AK7: variants seen among roughly 807,000 people sequenced by gnomAD.
AK7 encodes the protein ATP-AMP transphosphorylase 7.
AK7 carries 78 observed loss-of-function variants against 96.6 expected under a neutral mutation model. The ratio of observed to expected loss-of-function variants is 0.81; its 90% CI spans 0.67 to 0.97. The LOEUF is 0.97. Ranked by LOEUF, AK7 falls within the 50% of genes least tolerant of loss-of-function variation. AK7 has a pLI of 0.00. For missense variants in AK7, 855 were observed against 887.9 expected, an observed-to-expected ratio of 0.96 and a Z score of 0.47; for synonymous variants, 302 against 317.2, an observed-to-expected ratio of 0.95 and a Z score of 0.51.
chr14:96,465,070 A>G (rs1042397157), intron 12 of AK7, among the ~76,000 whole-genome samples: 3 of 152,252 alleles, frequency 2.0e-5, no homozygotes, highest in African/African-American at 7.2e-5. Flanking sequence ...TGTACAGGCA[A>G]TAATTAAACG....
At chr14:96,470,975 G>A (rs565399945) in intron 12 of AK7, among the ~76,000 whole-genome samples, 1 of 152,250 alleles carries the variant, frequency 6.6e-6, no homozygotes, top group African/African-American at 2.4e-5. Context: ...GCTCTTTCTT[G>A]CAGACAAGTT....
At chr14:96,412,676 C>T (rs1891107996) in intron 4 of AK7, among the ~76,000 whole-genome samples, 1 of 151,354 alleles carries the variant, frequency 6.6e-6, no homozygotes, top group Non-Finnish European at 1.5e-5. Context: ...AGTGATTCTC[C>T]TGCCTCAGCC....
At chr14:96,456,258 A>AG in intron 10 of AK7, 89 bp from the exon 11 acceptor site, 1 of 1,071,152 alleles carries the variant, frequency 9.3e-7, no homozygotes, top group Non-Finnish European at 1.3e-6. Flanking sequence ...AAAAAAAAAA[A>AG]AAAGCACTCC....
At chr14:96,423,087 C>T (rs984900423) in intron 5 of AK7, among the ~76,000 whole-genome samples, 3 of 152,196 alleles carry the variant, frequency 2.0e-5, no homozygotes, top group Non-Finnish European at 4.4e-5. Context: ...AGTACTGCTG[C>T]CCATCTACAG....
intron 10 of AK7, among the ~76,000 whole-genome samples, chr14:96,452,045 C>A (rs756967232): frequency 4.6e-5 from 7 of 152,160 alleles, no homozygotes; most frequent in Non-Finnish European, 1.0e-4. Flanking sequence ...TGATCTCTTT[C>A]TAAGTGGTCA....
At chr14:96,479,932 T>C (rs1345233302) in intron 15 of AK7, among the ~76,000 whole-genome samples, 1 of 152,128 alleles carries the variant, frequency 6.6e-6, no homozygotes, top group Non-Finnish European at 1.5e-5. Context: ...TAAGGGATAA[T>C]GTCAGCAGGA....
intron 13 of AK7, 74 bp downstream of exon 13, chr14:96,471,680 C>T: frequency 8.1e-7 from 1 of 1,242,052 alleles, no homozygotes; most frequent in East Asian, 2.8e-5. Context: ...GAAGTAGTCA[C>T]TCAATTAAAG....
intron 14 of AK7, among the ~76,000 whole-genome samples, chr14:96,475,920 G>A (rs1469315298): frequency 6.6e-6 from 1 of 151,742 alleles, no homozygotes; most frequent in Non-Finnish European, 1.5e-5. Context: ...TCAAGGCGGT[G>A]GTGAGCCTTG....
rs567115679 is a variant in AK7 at position 96,489,424 on chromosome 14, G to A, written c.*1081G>A. ...TTATAAATAAAACCATATAATGGGT[G>A]GTCTTTCGTGTCTGGCTTCTTTCAC... On this transcript the variant is annotated 3_prime_UTR_variant, in exon 18 of 18. Transcript: ENST00000267584. The A allele has an allele frequency of 6.6e-6, 1 of 152,252 alleles. No individual in the cohort carries two copies. The highest frequency in any genetic ancestry group is 2.1e-4 in the South Asian group (1 of 4,818). 9.4% of individuals were successfully genotyped at this position (152,252 alleles called of 1,614,324 possible).
At chr14:96,407,393 G>T (rs188039934) in intron 3 of AK7, among the ~76,000 whole-genome samples, 101 of 152,162 alleles carry the variant, frequency 6.6e-4, no homozygotes, top group African/African-American at 2.4e-3. Context: ...ATTCAATAAC[G>T]CTTTCTCGTT....
At chr14:96,458,241 T>G (rs1595440788) in intron 12 of AK7, 29 bp downstream of exon 12, 4 of 1,609,322 alleles carry the variant, frequency 2.5e-6, no homozygotes, top group Non-Finnish European at 3.4e-6. Context: ...AGAGCCACGC[T>G]GCTCTTGTGA....
chr14:96,413,749 T>C (rs2140018895), intron 4 of AK7, among the ~76,000 whole-genome samples: 1 of 152,304 alleles, frequency 6.6e-6, no homozygotes, highest in East Asian at 1.9e-4. Flanking sequence ...ATCAGTTGAG[T>C]ATGTGAAAAG....
intron 16 of AK7, among the ~76,000 whole-genome samples, chr14:96,486,556 A>AAG (rs1895781224): frequency 1.3e-5 from 2 of 152,244 alleles, no homozygotes; most frequent in Admixed American, 1.3e-4. Context: ...TATGATTCCC[A>AAG]AGAGAGAGGG....
chr14:96,481,769 A>G (rs1895517945), intron 15 of AK7, among the ~76,000 whole-genome samples: 1 of 150,106 alleles, frequency 6.7e-6, no homozygotes, highest in South Asian at 2.1e-4. Context: ...CAGTAGCTCA[A>G]TCTCAACTCA....
At chr14:96,443,716 A>G (rs1415556877) in intron 7 of AK7, among the ~76,000 whole-genome samples, 1 of 152,064 alleles carries the variant, frequency 6.6e-6, no homozygotes, top group Non-Finnish European at 1.5e-5. Context: ...TGGGCCACAC[A>G]TAAAATACAC....
chr14:96,424,060 A>G (rs915218041), intron 5 of AK7: 2 of 722,378 alleles, frequency 2.8e-6, no homozygotes, highest in Non-Finnish European at 5.2e-6. Flanking sequence ...ATCCCACGAA[A>G]TGCTGGTGGG....
chr14:96,475,961 A>G (rs982123528), intron 14 of AK7, among the ~76,000 whole-genome samples: 17 of 147,850 alleles, frequency 1.1e-4, no homozygotes, highest in Non-Finnish European at 1.6e-4. Context: ...CCTGGGTGAC[A>G]GTGAGACCCT....
At chr14:96,423,979 TG>T in intron 5 of AK7, 1 of 918,284 alleles carries the variant, frequency 1.1e-6, no homozygotes. Context: ...TTCCCTGTAT[TG>T]GGGATCCTTC....
At chr14:96,478,791 A>G (rs1895338554) in intron 15 of AK7, 129 bp downstream of exon 15, 1 of 875,452 alleles carries the variant, frequency 1.1e-6, no homozygotes, top group Non-Finnish European at 1.8e-6. Context: ...ACAGGAAGCC[A>G]TGAAATACAC....
Sources: gnomAD v4.1 joint callset for allele counts (sites outside exome capture counted in the v4.1 genomes callset) on GRCh38, gnomAD v4.1.1 for gene constraint, MANE v1.5 for transcripts, NCBI Gene and HGNC (gene_info 2026-07-23, HGNC 2026-07-21) for gene names.